Variants in ST6GALNAC2 observed in about 807,000 individuals in gnomAD.
The protein encoded by ST6GALNAC2 is ST6 N-acetylgalactosaminide alpha-2,6-sialyltransferase 2.
Under a neutral mutation model 38.7 loss-of-function variants are expected in ST6GALNAC2, and 42 were observed. The observed-to-expected ratio is 1.09, with a 90% CI of 0.85 to 1.40. The LOEUF (loss-of-function observed/expected upper bound fraction) is 1.40, where lower values mean the gene tolerates loss of function less well. ST6GALNAC2 is among the 40% of genes most tolerant of loss of function. The pLI is 0.00. For missense variants in ST6GALNAC2, 506 were observed against 481.7 expected (o/e 1.05, Z -0.47); for synonymous variants, 233 against 209.0 (o/e 1.11, Z -0.99).
At chr17:76,572,011 G>A (rs532029429) in intron 5 of ST6GALNAC2, among the ~76,000 whole-genome samples, 1 of 152,268 alleles carries the variant, frequency 6.6e-6, no homozygotes, top group South Asian at 2.1e-4. Flanking sequence ...AGGGGCCAGT[G>A]TGGGGAAATG....
At position 76,566,194 on chromosome 17, in the gene ST6GALNAC2, C is replaced by A. The variant is rs779347933; in HGVS notation, c.1035G>T (p.Leu345Phe). The A allele has an allele frequency of 6.2e-7, 1 of 1,614,106 alleles. No individual in the cohort carries two copies. Among genetic ancestry groups the A allele is most frequent in the South Asian group, 1.1e-5 (1 of 91,078 alleles). The change falls in exon 9 of 9, where the codon TTG becomes TTT. Residue 345 changes from leucine to phenylalanine, a missense_variant. Leu to Phe is a conservative substitution (Grantham distance 22). Transcript: ENST00000225276. ...DHYFERKMKPLIFYANHDLSL... is the reference protein window; with the variant it reads ...DHYFERKMKPFIFYANHDLSL... ...ACAGATCGTGGTTTGCATAAAATAT[C>A]AATGGCTTCATTTTTCGTTCGAAAT...
intron 7 of ST6GALNAC2, chr17:76,568,424 T>C (rs2075311157): frequency 1.0e-5 from 4 of 394,954 alleles, no homozygotes; most frequent in South Asian, 3.6e-5. Context: ...ACTGCTGCTG[T>C]GCACCTTATG....
chr17:76,569,002 A>G, intron 6 of ST6GALNAC2: 1 of 384,260 alleles, frequency 2.6e-6, no homozygotes. Context: ...CAGGACCTCC[A>G]CGGGCGGGGT....
intron 6 of ST6GALNAC2, chr17:76,569,045 C>CG (rs1303913806): frequency 2.2e-5 from 3 of 134,704 alleles, no homozygotes; most frequent in Non-Finnish European, 2.6e-5. Context: ...ATGAACAGAC[C>CG]GGGGGGAGTT....
At chr17:76,566,826 C>A (rs2075289560) in intron 8 of ST6GALNAC2, among the ~76,000 whole-genome samples, 1 of 152,028 alleles carries the variant, frequency 6.6e-6, no homozygotes. Flanking sequence ...AGAGTTGAGA[C>A]CCTGTCTCAA....
At chr17:76,584,395 C>G (rs565094081) in intron 1 of ST6GALNAC2, among the ~76,000 whole-genome samples, 8 of 152,170 alleles carry the variant, frequency 5.3e-5, no homozygotes, top group African/African-American at 1.9e-4. Flanking sequence ...GAGGTTTCGC[C>G]ATGTTGCCCA....
chr17:76,579,984 C>G (rs2143315738), intron 1 of ST6GALNAC2, among the ~76,000 whole-genome samples: 1 of 152,356 alleles, frequency 6.6e-6, no homozygotes, highest in South Asian at 2.1e-4. Context: ...GTCTCCACCA[C>G]TTGGCTGCTG....
chr17:76,566,167 G>A lies in ST6GALNAC2; in HGVS notation c.1062C>T (p.Ser354=). ...GGTCCCTCCACAGGGCAGCTTCCAG[G>A]GACAGATCGTGGTTTGCATAAAATA... The part of the protein sequence containing the change: ...PLIFYANHDL[S]LEAALWRDLH... The change falls in exon 9 of 9, where the codon TCC becomes TCT. Residue 354 remains serine, a synonymous_variant. Transcript: ENST00000225276. The A allele has an allele frequency of 1.2e-6, 2 of 1,614,104 alleles. No homozygotes were observed. Among genetic ancestry groups the A allele is most frequent in the Admixed American group, 1.7e-5 (1 of 60,016 alleles).
At chr17:76,566,842 AG>A (rs1460557221) in intron 8 of ST6GALNAC2, among the ~76,000 whole-genome samples, 1 of 152,050 alleles carries the variant, frequency 6.6e-6, no homozygotes, top group East Asian at 1.9e-4. Flanking sequence ...CTCAAAAAAG[AG>A]GGAAAAGATT....
At chr17:76,582,164 CTTTTTTTTT>C (rs71158025) in intron 1 of ST6GALNAC2, among the ~76,000 whole-genome samples, 3 of 62,058 alleles carry the variant, frequency 4.8e-5, no homozygotes, top group South Asian at 1.3e-3. Context: ...CGTGCCCAGC[CTTTTTTTTT>C]TTTTTTTTTT....
rs150523896 is a variant in ST6GALNAC2 at position 76,568,759 on chromosome 17, T to C, written c.811A>G (p.Lys271Glu). ...AAGTCCGGATGTAGCAGCTTGAATTTACTGGCAGAGGCTTCTGGTCCAAAA... is the reference window on the plus strand; with the variant it reads ...AAGTCCGGATGTAGCAGCTTGAATTCACTGGCAGAGGCTTCTGGTCCAAAA... ...AYFGPEASAS[K>E]FKLLHPDFIS... is the part of the protein sequence containing the mutation. Residue 271 changes from lysine to glutamate, a missense_variant, in exon 7 of 9, where the codon AAA (lysine) becomes GAA (glutamate). Lys to Glu is a moderately conservative substitution (Grantham distance 56, BLOSUM62 1). Coordinates refer to ENST00000225276, the MANE Select transcript of ST6GALNAC2 (RefSeq NM_006456.3). 3,921 of 1,613,560 alleles carry C rather than the reference T, an allele frequency of 2.4e-3. 8 individuals are homozygous for C. Among genetic ancestry groups the C allele is most frequent in the Non-Finnish European group, 3.0e-3 (3,582 of 1,179,988 alleles).
At chr17:76,578,863 C>T (rs1164790261) in intron 1 of ST6GALNAC2, 47 bp from the exon 2 acceptor site, 13 of 1,575,206 alleles carry the variant, frequency 8.3e-6, no homozygotes, top group Non-Finnish European at 8.7e-6. Context: ...CTCTGACCTA[C>T]CCCTTGGAAG....
intron 5 of ST6GALNAC2, chr17:76,571,156 C>G (rs956117444): frequency 5.8e-5 from 9 of 154,456 alleles, no homozygotes; most frequent in African/African-American, 2.2e-4. Context: ...TCATCTGCAC[C>G]TGGGCCAAAA....
intron 8 of ST6GALNAC2, 144 bp downstream of exon 8, chr17:76,567,309 T>C: frequency 1.6e-6 from 1 of 631,538 alleles, no homozygotes; most frequent in Non-Finnish European, 2.8e-6. Context: ...AAGTGAGCAG[T>C]ACCAGCAGCA....
intron 2 of ST6GALNAC2, among the ~76,000 whole-genome samples, chr17:76,577,879 G>C (rs111552206): frequency 1.3e-5 from 2 of 152,146 alleles, no homozygotes; most frequent in African/African-American, 4.8e-5. Flanking sequence ...AGCGGCCTCT[G>C]TTCCTAAGAC....
In ST6GALNAC2 at chr17:76,574,396, G is replaced by T; in HGVS notation, c.330C>A (p.Ala110=). 1 of 1,613,728 alleles carries T rather than the reference G, an allele frequency of 6.2e-7. No individual in the cohort carries two copies. Residue 110 remains alanine (A), a synonymous_variant, in exon 3 of 9, where the codon GCC becomes GCA. Transcript: ENST00000225276. ...ALWDRLSQHK[A]PYGWRGLSHQ... ...GAGAGAGCCCCCGCCAGCCATACGG[G>T]GCTTTGTGTTGGCTCAGGCGGTCCC...
Position 76,578,566 on chromosome 17 carries a change from T to C in ST6GALNAC2, c.186+190A>G, listed in dbSNP as rs2304922. Among the ~76,000 whole-genome samples the C allele has an allele frequency of 2.6e-4, 39 of 152,300 alleles. No individual in the cohort carries two copies. The East Asian group carries it at 7.5e-3, about 29-fold the overall frequency. ...CATATTTATTCATCCTTCTCTGCTG[T>C]TGGGCCACAAGAAACCCTATTGGTC... On this transcript the variant is annotated intron_variant, in intron 2 of 8. Coordinates refer to ENST00000225276, the MANE Select transcript of ST6GALNAC2 (RefSeq NM_006456.3).
intron 2 of ST6GALNAC2, among the ~76,000 whole-genome samples, chr17:76,575,758 C>T (rs1231731159): frequency 5.9e-5 from 9 of 152,206 alleles, no homozygotes; most frequent in Admixed American, 3.3e-4. Context: ...CTTGTCTGCC[C>T]GTGACCCCAC....
chr17:76,566,215 G>T lies in ST6GALNAC2; in HGVS notation c.1014C>A (p.Phe338Leu), dbSNP rs776940931. The T allele has an allele frequency of 6.2e-7, 1 of 1,614,116 alleles. No homozygotes were observed. The highest frequency in any genetic ancestry group is 2.2e-5 in the East Asian group (1 of 44,880). ...SNYWKFSDHY[F>L]ERKMKPLIFY... ...ATATCAATGGCTTCATTTTTCGTTC[G>T]AAATAGTGGTCGGAAAATTTCCAGT... The change falls in exon 9 of 9, where the codon TTC (phenylalanine) becomes TTA (leucine). Residue 338 changes from phenylalanine (F) to leucine (L), a missense_variant. By Grantham distance (22) the Phe-to-Leu change is conservative. Transcript: ENST00000225276.
Sources: gnomAD v4.1 joint callset for allele counts (sites outside exome capture counted in the v4.1 genomes callset) on GRCh38, gnomAD v4.1.1 for gene constraint, MANE v1.5 for transcripts, NCBI Gene and HGNC (gene_info 2026-07-23, HGNC 2026-07-21) for gene names.